The following MRPL45 variants were observed in gnomAD, a reference collection of about 807,000 sequenced individuals.
The protein encoded by MRPL45 is large ribosomal subunit protein mL45.
Under a neutral mutation model 38.1 loss-of-function variants are expected in MRPL45, and 20 were observed. The ratio of observed to expected loss-of-function variants is 0.53; its 90% CI spans 0.37 to 0.76. The LOEUF (loss-of-function observed/expected upper bound fraction) is 0.76. Among genes scored for constraint, MRPL45 ranks in the 30% least tolerant of loss-of-function variants. MRPL45 has a pLI of 0.00. For synonymous variants in MRPL45, 105 were observed against 128.8 expected, an observed-to-expected ratio of 0.82 and a Z score of 1.25; for missense variants, 337 against 395.6, an observed-to-expected ratio of 0.85 and a Z score of 1.26.
In MRPL45 at chr17:38,320,782, C is replaced by T; in HGVS notation, c.660+15C>T. 1 of 1,613,056 alleles carries T rather than the reference C, an allele frequency of 6.2e-7. No individual in the cohort carries two copies. The highest frequency in any genetic ancestry group is 8.5e-7 in the Non-Finnish European group (1 of 1,179,688). On this transcript the variant is annotated intron_variant, in intron 6 of 7. Transcript: ENST00000613675. ...ACACCCGGCAGGTAGAGGCACTCGT[C>T]TGCCTTCCTCCCAGCTTTTTTTCAC...
chr17:38,316,856 G>A (rs2037178807), intron 4 of MRPL45, among the ~76,000 whole-genome samples: 1 of 151,384 alleles, frequency 6.6e-6, no homozygotes, highest in Non-Finnish European at 1.5e-5. Flanking sequence ...GGAGTGCAGT[G>A]GCGCGATCTT....
In MRPL45 at chr17:38,306,627, A is replaced by G; in HGVS notation, c.457A>G (p.Asn153Asp). 1 of 1,613,586 alleles carries G rather than the reference A, an allele frequency of 6.2e-7. No individual in the cohort carries two copies. Among genetic ancestry groups the G allele is most frequent in the African/African-American group, 1.3e-5 (1 of 75,042 alleles). The change falls in exon 4 of 8, where the codon AAT becomes GAT. Residue 153 changes from asparagine to aspartate, a missense_variant. Asn to Asp is a conservative substitution (Grantham distance 23, BLOSUM62 1). This residue lies in a region of MRPL45 where 251 missense variants were observed against 269.1 expected (regional missense o/e 0.93). Transcript: ENST00000613675. ...CTTTATTGAAGCTCACCTTTGTCTAAATAAGTAAGTGAACTCCCTATCTTT... is the reference window on the plus strand; with the variant it reads ...CTTTATTGAAGCTCACCTTTGTCTAGATAAGTAAGTGAACTCCCTATCTTT... The part of the protein sequence containing the change: ...DIFIEAHLCL[N>D]NSDHDRLHTL...
At chr17:38,300,550 G>C (rs2036983723) in intron 3 of MRPL45, among the ~76,000 whole-genome samples, 1 of 152,152 alleles carries the variant, frequency 6.6e-6, no homozygotes, top group Non-Finnish European at 1.5e-5. Flanking sequence ...ACTGTGCCCA[G>C]AGTAGCCGCT....
chr17:38,316,543 C>T (rs985332481), intron 4 of MRPL45, among the ~76,000 whole-genome samples: 1 of 151,718 alleles, frequency 6.6e-6, no homozygotes, highest in African/African-American at 2.4e-5. Context: ...GGTGTGGTGG[C>T]TCATGCCTAT....
chr17:38,313,311 A>AAATATATATATATATATATACATATAT (rs1311544521), intron 4 of MRPL45, among the ~76,000 whole-genome samples: 1 of 7,870 alleles, frequency 1.3e-4, no homozygotes, highest in African/African-American at 4.9e-4. Context: ...AAAAAAAAAA[A>AAATATATATATATATATATACATATAT]ATATATATAT....
At chr17:38,322,031 CAAA>C (rs747640334) in intron 6 of MRPL45, 92 bp from the exon 7 acceptor site, 619 of 1,074,858 alleles carry the variant, frequency 5.8e-4, no homozygotes, top group South Asian at 8.8e-4. Flanking sequence ...GACTCTGTCT[CAAA>C]AAAAAAAAAA....
At chr17:38,321,325 T>A (rs897520961) in intron 6 of MRPL45, among the ~76,000 whole-genome samples, 2 of 152,170 alleles carry the variant, frequency 1.3e-5, no homozygotes, top group Non-Finnish European at 2.9e-5. Context: ...AAAGAACTTG[T>A]AAGAATAAAG....
intron 3 of MRPL45, among the ~76,000 whole-genome samples, chr17:38,305,607 T>A (rs2037045357): frequency 6.7e-6 from 1 of 148,832 alleles, no homozygotes; most frequent in South Asian, 2.2e-4. Flanking sequence ...TGCCTCAGCC[T>A]CCCAAGTAGC....
intron 4 of MRPL45, among the ~76,000 whole-genome samples, chr17:38,314,786 C>A (rs563620748): frequency 6.6e-6 from 1 of 152,358 alleles, no homozygotes; most frequent in East Asian, 1.9e-4. Flanking sequence ...CCCGCCTTGA[C>A]CTCCCAAAGC....
intron 7 of MRPL45, 39 bp downstream of exon 7, chr17:38,322,338 A>C (rs755882361): frequency 6.3e-7 from 1 of 1,582,354 alleles, no homozygotes; most frequent in Non-Finnish European, 8.6e-7. Context: ...CTGAGGCACT[A>C]CTCGTGGTCT....
At chr17:38,300,269 G>C (rs558355284) in intron 3 of MRPL45, among the ~76,000 whole-genome samples, 1 of 152,148 alleles carries the variant, frequency 6.6e-6, no homozygotes, top group African/African-American at 2.4e-5. Context: ...ACCCACCTCA[G>C]CCTCCTGAAG....
intron 4 of MRPL45, among the ~76,000 whole-genome samples, chr17:38,314,263 C>T (rs980670802): frequency 4.6e-5 from 7 of 152,146 alleles, no homozygotes; most frequent in African/African-American, 1.7e-4. Flanking sequence ...CGCCACCATG[C>T]CTGGCTAATT....
chr17:38,303,850 C>G (rs2037025294), intron 3 of MRPL45, among the ~76,000 whole-genome samples: 1 of 151,990 alleles, frequency 6.6e-6, no homozygotes, highest in Non-Finnish European at 1.5e-5. Flanking sequence ...CCTCAGTCTC[C>G]TGAGTAGCTG....
chr17:38,298,923 CAG>C (rs779790910), intron 2 of MRPL45, among the ~76,000 whole-genome samples: 6 of 151,930 alleles, frequency 3.9e-5, no homozygotes, highest in Admixed American at 6.6e-5. Flanking sequence ...TTTTTTGAGA[CAG>C]AGTCTCGTTC....
chr17:38,305,746 G>A (rs1180676705), intron 3 of MRPL45, among the ~76,000 whole-genome samples: 1 of 151,212 alleles, frequency 6.6e-6, no homozygotes, highest in Non-Finnish European at 1.5e-5. Flanking sequence ...GGGTTCAAGC[G>A]ATTCTTGTGC....
intron 3 of MRPL45, among the ~76,000 whole-genome samples, chr17:38,304,583 G>T (rs952810344): frequency 6.6e-6 from 1 of 151,758 alleles, no homozygotes. Context: ...TCACTCTTTC[G>T]CCCAGGCTGG....
chr17:38,300,944 C>A (rs896093051), intron 3 of MRPL45, among the ~76,000 whole-genome samples: 9 of 151,860 alleles, frequency 5.9e-5, no homozygotes, highest in African/African-American at 2.2e-4. Flanking sequence ...GAAACTCTGT[C>A]TCAAAAAAAA....
chr17:38,320,907 G>C, intron 6 of MRPL45, 140 bp downstream of exon 6: 1 of 776,640 alleles, frequency 1.3e-6, no homozygotes, highest in Non-Finnish European at 2.1e-6. Flanking sequence ...TTGCTGTGCC[G>C]CTGTCCCCTT....
At chr17:38,312,369 G>A (rs767811272) in intron 4 of MRPL45, among the ~76,000 whole-genome samples, 1 of 151,990 alleles carries the variant, frequency 6.6e-6, no homozygotes, top group African/African-American at 2.4e-5. Context: ...TATTAAGGCT[G>A]AATAATATTT....
Sources: gnomAD v4.1 joint callset for allele counts (sites outside exome capture counted in the v4.1 genomes callset) on GRCh38, gnomAD v4.1.1 for gene constraint, gnomAD v4.1.1 regional missense constraint, MANE v1.5 for transcripts, NCBI Gene and HGNC (gene_info 2026-07-23, HGNC 2026-07-21) for gene names.